RTEL1: variants seen among roughly 807,000 people sequenced by gnomAD.
The protein encoded by RTEL1 is regulator of telomere elongation helicase 1.
Under a neutral mutation model 162.2 loss-of-function variants are expected in RTEL1, and 86 were observed. The ratio of observed to expected loss-of-function variants is 0.53; its 90% CI spans 0.45 to 0.63. The LOEUF (loss-of-function observed/expected upper bound fraction) is 0.63. Among genes scored for constraint, RTEL1 ranks in the 30% least tolerant of loss-of-function variants. The pLI is 0.00. For missense variants in RTEL1, 1,941 were observed against 1,750.2 expected (o/e 1.11, Z -1.95); for synonymous variants, 958 against 717.9 (o/e 1.33, Z -5.35).
Position 63,688,290 on chromosome 20 carries a change from T to C in RTEL1, c.1637-11T>C. 1 of 1,611,738 alleles carries C rather than the reference T, an allele frequency of 6.2e-7. No homozygotes were observed. Among genetic ancestry groups the C allele is most frequent in the Non-Finnish European group, 8.5e-7 (1 of 1,179,814 alleles). On this transcript the variant is annotated splice_polypyrimidine_tract_variant and intron_variant, in intron 19 of 34. Transcript: ENST00000360203. ...CTGCCCCTGCCTTGACCCCGGCCCC[T>C]GCACTTCCAGGCAACATCGCCCGCG...
At position 63,666,998 on chromosome 20, in the gene RTEL1, T is replaced by C. The variant is rs573199728; in HGVS notation, c.615-471T>C. The stretch of plus-strand genomic sequence containing the variant: ...GGGACTACAGGTGCCCGCCACCACG[T>C]CTGGCTAATTTTCTGTATTTTTAGT... On this transcript the variant is annotated intron_variant, in intron 7 of 34. Transcript: ENST00000360203. 1.4e-3 allele frequency among the ~76,000 whole-genome samples: 217 copies of C among 151,888 alleles called. 1 individual carries two copies. Among genetic ancestry groups the C allele is most frequent in the South Asian group, 7.3e-3 (35 of 4,792 alleles).
chr20:63,693,351 C>A (rs1281605365), intron 30 of RTEL1, 68 bp downstream of exon 30: 3 of 1,585,734 alleles, frequency 1.9e-6, no homozygotes, highest in Non-Finnish European at 2.6e-6. Context: ...GAGTCCTGGG[C>A]TGCTTGGGGT....
chr20:63,682,555 A>C, intron 14 of RTEL1: 2 of 985,908 alleles, frequency 2.0e-6, no homozygotes, highest in Non-Finnish European at 2.4e-6. Flanking sequence ...CTGCTGCTCT[A>C]AGTAGCCGCT....
At position 63,694,991 on chromosome 20, in the gene RTEL1, T is replaced by C; in HGVS notation, c.3343+17T>C. Reference sequence around the variant, plus strand: ...TGCTGCACAGCAAGTGGCCCTGGCGTGGGGAACAGCCGGTGGGGTGGGGGG... The same window carrying C: ...TGCTGCACAGCAAGTGGCCCTGGCGCGGGGAACAGCCGGTGGGGTGGGGGG... On this transcript the variant is annotated intron_variant, in intron 32 of 34. Transcript: ENST00000360203. The C allele has an allele frequency of 6.2e-7, 1 of 1,609,938 alleles. No individual in the cohort carries two copies.
At position 63,694,850 on chromosome 20, in the gene RTEL1, C is replaced by G. The variant is rs376151757; in HGVS notation, c.3219C>G (p.Ser1073=). The change falls in exon 32 of 35, where the codon TCC becomes TCG. Residue 1073 remains serine, a synonymous_variant. Coordinates refer to ENST00000360203, the MANE Select transcript of RTEL1 (RefSeq NM_001283009.2). ...CTGATGCCCGCAGGGCCCTGGGGTC[C>G]GCGGGCTGTAGCCAACTCTTGGCAG... ...YLADARRALG[S]AGCSQLLAAL... 6.2e-7 allele frequency: 1 copy of G among 1,612,596 alleles called. No homozygotes were observed. Among genetic ancestry groups the G allele is most frequent in the South Asian group, 1.1e-5 (1 of 91,074 alleles).
rs1383421350 is a variant in RTEL1 at position 63,668,471 on chromosome 20, G to A, written c.699+918G>A. The stretch of plus-strand genomic sequence containing the variant: ...AAGCACGTGAGCTGATGATACTGAA[G>A]GGAAATAGAGCAGAGGGAGGAGGCG... On this transcript the variant is annotated intron_variant, in intron 8 of 34. Transcript: ENST00000360203. The surrounding 1 kb of genome is among the most constrained non-coding windows in gnomAD (Gnocchi z 4.3). Among the ~76,000 whole-genome samples, 2 of 152,176 alleles carry A rather than the reference G, an allele frequency of 1.3e-5. No homozygotes were observed. Among genetic ancestry groups the A allele is most frequent in the South Asian group, 2.1e-4 (1 of 4,824 alleles).
intron 16 of RTEL1, chr20:63,687,385 T>A: frequency 2.0e-6 from 1 of 495,992 alleles, no homozygotes; most frequent in Non-Finnish European, 3.6e-6. Flanking sequence ...TCTCTGCAGG[T>A]GTCCCCAGCC....
intron 28 of RTEL1, 73 bp from the exon 29 acceptor site, chr20:63,692,732 A>T (rs1259863581): frequency 1.4e-6 from 2 of 1,437,158 alleles, no homozygotes; most frequent in Non-Finnish European, 1.9e-6. Flanking sequence ...CAATGTTCCA[A>T]GGAAGGCTCT....
Position 63,674,105 on chromosome 20 carries a change from G to C in RTEL1, c.919+12G>C. On this transcript the variant is annotated intron_variant, in intron 10 of 34. Coordinates refer to ENST00000360203, the MANE Select transcript of RTEL1 (RefSeq NM_001283009.2). ...CTCCCCCAGCCCAGGTGCGTTCATA[G>C]CCAGACTGCTTGGTCCTGAGGCCTG... 1.2e-6 allele frequency: 2 copies of C among 1,603,176 alleles called. No individual in the cohort carries two copies. Among genetic ancestry groups the C allele is most frequent in the Non-Finnish European group, 8.5e-7 (1 of 1,174,708 alleles).
At chr20:63,670,708 G>A (rs916507415) in intron 8 of RTEL1, among the ~76,000 whole-genome samples, 5 of 152,062 alleles carry the variant, frequency 3.3e-5, no homozygotes, top group African/African-American at 1.2e-4. Flanking sequence ...ATGTGGCCAG[G>A]CTCAGTGGCT....
intron 4 of RTEL1, 154 bp from the exon 5 acceptor site, chr20:63,662,392 C>G: frequency 6.7e-7 from 1 of 1,497,158 alleles, no homozygotes; most frequent in East Asian, 2.5e-5. Flanking sequence ...CGCTCGTCTT[C>G]TAGCTCCCTC....
In RTEL1 at chr20:63,693,714, ACCACCTGCACCACCACCT is replaced by A. The variant is rs2090879527; in HGVS notation, c.2992+438_2992+455del. On this transcript the variant is annotated intron_variant, in intron 30 of 34. Transcript: ENST00000360203. Reference sequence around the variant, plus strand: ...CACCACCACCACCACCTCCACCACCACCACCTGCACCACCACCTCCACCTCCACCACCACCACCACCTC... The same window carrying A: ...CACCACCACCACCACCTCCACCACCACCACCTCCACCACCACCACCACCTC... Among the ~76,000 whole-genome samples the A allele has an allele frequency of 3.1e-4, 3 of 9,582 alleles. 1 individual carries two copies. Among genetic ancestry groups the A allele is most frequent in the African/African-American group, 5.7e-4 (1 of 1,756 alleles). The allele number at this position is 9,582 out of a possible 152,430, so 6.3% of individuals were successfully genotyped here. A position where few individuals can be genotyped will look rare whatever the true frequency, so the allele number is the denominator to read the frequency against.
At chr20:63,681,966 G>A (rs2090485686) in intron 14 of RTEL1, 7 of 985,288 alleles carry the variant, frequency 7.1e-6, no homozygotes, top group South Asian at 4.7e-5. Context: ...GCAGGAGGCC[G>A]TGCACCTATC....
intron 27 of RTEL1, among the ~76,000 whole-genome samples, 191 bp from the exon 28 acceptor site, chr20:63,691,551 A>G (rs895287922): frequency 6.6e-6 from 1 of 151,996 alleles, no homozygotes; most frequent in African/African-American, 2.4e-5. Flanking sequence ...TGCGAGCCTC[A>G]TGAGCCGCTG....
In RTEL1 at chr20:63,679,766, G is replaced by A. The variant is rs1046573614; in HGVS notation, c.1038-83G>A. ...ACCAGTGTCGTCCCCCCTCAGGCCC[G>A]AGCCTGCCTTCTTCTCCTCAGTTCC... On this transcript the variant is annotated intron_variant, in intron 12 of 34. Coordinates refer to ENST00000360203, the MANE Select transcript of RTEL1 (RefSeq NM_001283009.2). 9 of 1,067,020 alleles carry A rather than the reference G, an allele frequency of 8.4e-6. 1 individual carries two copies. Among genetic ancestry groups the A allele is most frequent in the East Asian group, 7.1e-5 (3 of 42,156 alleles). 66.1% of individuals were successfully genotyped at this position (1,067,020 alleles called of 1,614,324 possible).
rs1601164518 is a variant in RTEL1, at chr20:63,688,338, C to T, written c.1674C>T (p.Ile558=). The T allele has an allele frequency of 5.0e-6, 8 of 1,612,664 alleles. No homozygotes were observed. Among genetic ancestry groups the T allele is most frequent in the Non-Finnish European group, 5.9e-6 (7 of 1,179,948 alleles). The change falls in exon 20 of 35, where the codon ATC becomes ATT. Residue 558 remains isoleucine, a synonymous_variant. Transcript: ENST00000360203. ...GCGTGGTGCCCTATGGGCTCCTGAT[C>T]TTCTTCCCTTCCTATCCTGTCATGG... ...IARVVPYGLL[I]FFPSYPVMEK...
chr20:63,674,627 G>A (rs903086543), intron 10 of RTEL1, among the ~76,000 whole-genome samples: 1 of 151,948 alleles, frequency 6.6e-6, no homozygotes. Flanking sequence ...CTTGAGCCTG[G>A]GAGGCAGAGC....
At position 63,694,330 on chromosome 20, in the gene RTEL1, G is replaced by T. The variant is rs753820130; in HGVS notation, c.2993-42G>T. On this transcript the variant is annotated intron_variant, in intron 30 of 34. Transcript: ENST00000360203. ...CCCCCCCACCCCAGGGAACTTTCCA[G>T]ATGCTCTCGACCAGCTTTGTGGCTC... is the stretch of plus-strand genomic sequence containing the variant. The T allele has an allele frequency of 3.9e-6, 3 of 776,298 alleles. No individual in the cohort carries two copies. The Admixed American group carries it at 5.8e-5, about 15-fold the overall frequency. 48.1% of individuals were successfully genotyped at this position (776,298 alleles called of 1,614,324 possible). A position where few individuals can be genotyped will look rare whatever the true frequency, so the allele number is the denominator to read the frequency against.
Position 63,659,351 on chromosome 20 carries a change from C to G in RTEL1, c.-52C>G, listed in dbSNP as rs2089971871. 7.2e-7 allele frequency: 1 copy of G among 1,398,220 alleles called. No individual in the cohort carries two copies. Among genetic ancestry groups the G allele is most frequent in the Non-Finnish European group, 1.0e-6 (1 of 984,510 alleles). 86.6% of individuals were successfully genotyped at this position (1,398,220 alleles called of 1,614,324 possible). On this transcript the variant is annotated 5_prime_UTR_variant, in exon 2 of 35. Transcript: ENST00000360203. Reference sequence around the variant, plus strand: ...TCGGAGTGGTTTTTTCGCACAGACCCGAATAGCCTGCCCCTCAGCCACGCT... The same window carrying G: ...TCGGAGTGGTTTTTTCGCACAGACCGGAATAGCCTGCCCCTCAGCCACGCT...
Sources: gnomAD v4.1 joint callset for allele counts (sites outside exome capture counted in the v4.1 genomes callset) on GRCh38, gnomAD v4.1.1 for gene constraint, Gnocchi (gnomAD v3.1) non-coding constraint, MANE v1.5 for transcripts, NCBI Gene and HGNC (gene_info 2026-07-23, HGNC 2026-07-21) for gene names.